The following ULK4 variants were observed in gnomAD, a reference collection of about 807,000 sequenced individuals.
ULK4 encodes unc-51 like kinase 4.
ULK4 carries 133 observed loss-of-function variants against 160.6 expected under a neutral mutation model. That is an observed-to-expected ratio of 0.83 (90% CI 0.72 to 0.96). The LOEUF is 0.96. Among genes scored for constraint, ULK4 ranks in the 40% least tolerant of loss-of-function variants. The pLI is 0.00. For missense variants in ULK4, 1,580 were observed against 1,499.5 expected (o/e 1.05, Z -0.89); for synonymous variants, 534 against 539.8 (o/e 0.99, Z 0.15).
In ULK4 at chr3:41,296,079, A is replaced by C. The variant is rs114195969; in HGVS notation, c.3679-46505T>G. Among the ~76,000 whole-genome samples the C allele has an allele frequency of 2.0e-3, 304 of 152,304 alleles. 1 individual carries two copies. The highest frequency in any genetic ancestry group is 6.9e-3 in the African/African-American group (286 of 41,564). ...GAATTATTACTCAGCGCTAAAAAGA[A>C]AGGAGCTATCAAGCCATGAAAAGTG... On this transcript the variant is annotated intron_variant, in intron 35 of 36. Coordinates refer to ENST00000301831, the MANE Select transcript of ULK4 (RefSeq NM_017886.4).
intron 32 of ULK4, among the ~76,000 whole-genome samples, chr3:41,464,912 CAAGG>C (rs1395089204): frequency 6.6e-6 from 1 of 152,156 alleles, no homozygotes; most frequent in Non-Finnish European, 1.5e-5. Context: ...ATTCAGTCTT[CAAGG>C]AAGGAGTGCA....
chr3:41,670,054 T>C (rs1315478131), intron 29 of ULK4, among the ~76,000 whole-genome samples: 1 of 152,188 alleles, frequency 6.6e-6, no homozygotes, highest in African/African-American at 2.4e-5. Context: ...GGTTAAAATG[T>C]TTCTAAGCAA....
intron 33 of ULK4, among the ~76,000 whole-genome samples, chr3:41,459,190 T>G (rs953691819): frequency 1.1e-4 from 17 of 152,134 alleles, no homozygotes; most frequent in African/African-American, 3.6e-4. Flanking sequence ...TAGCTAGGAC[T>G]ACAGGTGTGT....
At chr3:41,250,128 G>T (rs1359981564) in intron 35 of ULK4, among the ~76,000 whole-genome samples, 2 of 152,204 alleles carry the variant, frequency 1.3e-5, no homozygotes, top group Middle Eastern at 3.4e-3. Flanking sequence ...TGACTCTGTA[G>T]CACCTATTTG....
chr3:41,710,777 G>A (rs2037066749), intron 25 of ULK4, among the ~76,000 whole-genome samples: 9 of 147,124 alleles, frequency 6.1e-5, no homozygotes. Flanking sequence ...GGGAGACACA[G>A]GGAGACTCTT....
chr3:41,835,734 A>C (rs2041734013), intron 18 of ULK4, 130 bp downstream of exon 18: 2 of 576,744 alleles, frequency 3.5e-6, no homozygotes, highest in Non-Finnish European at 6.1e-6. Context: ...CAAGAGGTAA[A>C]ATTTATCCTA....
At chr3:41,464,994 C>A (rs1484156720) in intron 32 of ULK4, among the ~76,000 whole-genome samples, 1 of 152,182 alleles carries the variant, frequency 6.6e-6, no homozygotes, top group Non-Finnish European at 1.5e-5. Context: ...AAAAAACAGA[C>A]AACAGATGCC....
chr3:41,664,020 C>T (rs1415079069), intron 29 of ULK4, among the ~76,000 whole-genome samples: 1 of 152,176 alleles, frequency 6.6e-6, no homozygotes, highest in Non-Finnish European at 1.5e-5. Context: ...GAAAAACATA[C>T]AGACTCTGAA....
intron 32 of ULK4, among the ~76,000 whole-genome samples, chr3:41,490,463 C>G (rs536362558): frequency 6.6e-6 from 1 of 152,320 alleles, no homozygotes; most frequent in Admixed American, 6.5e-5. Context: ...CTCTTGCCTT[C>G]TTACATTACT....
At chr3:41,359,189 G>A (rs1274733473) in intron 35 of ULK4, among the ~76,000 whole-genome samples, 1 of 152,206 alleles carries the variant, frequency 6.6e-6, no homozygotes, top group Non-Finnish European at 1.5e-5. Flanking sequence ...ACAGGCCTGG[G>A]GAGGCCATGA....
At chr3:41,721,081 T>C (rs1168565543) in intron 22 of ULK4, among the ~76,000 whole-genome samples, 5 of 151,390 alleles carry the variant, frequency 3.3e-5, no homozygotes, top group Non-Finnish European at 7.4e-5. Context: ...TTTAAGAAAA[T>C]AAGCAAAGTT....
intron 31 of ULK4, among the ~76,000 whole-genome samples, chr3:41,588,627 C>T (rs1325716000): frequency 2.0e-5 from 3 of 152,120 alleles, no homozygotes; most frequent in African/African-American, 7.2e-5. Flanking sequence ...TGCACAGACC[C>T]ATTTTAATAA....
At position 41,455,504 on chromosome 3, in the gene ULK4, A is replaced by T. The variant is rs1322621918; in HGVS notation, c.3485T>A (p.Ile1162Asn). Residue 1162 changes from isoleucine to asparagine, a missense_variant, in exon 34 of 37, where the codon ATT (isoleucine) becomes AAT (asparagine). Transcript: ENST00000301831. ...ATACAGGTGAGCTCTTACCAGTGGA[A>T]TGAGCAGGCTAATCAGGTCTGTCAG... Reference protein sequence around the residue: ...RPLTDLISLLIPLLPNEDPEI... With the variant: ...RPLTDLISLLNPLLPNEDPEI... The T allele has an allele frequency of 9.9e-6, 16 of 1,613,836 alleles. No individual in the cohort carries two copies. Among genetic ancestry groups the T allele is most frequent in the Non-Finnish European group, 1.4e-5 (16 of 1,179,862 alleles).
intron 32 of ULK4, among the ~76,000 whole-genome samples, chr3:41,544,731 GTGACAA>G (rs1340940064): frequency 6.6e-6 from 1 of 152,212 alleles, no homozygotes; most frequent in Admixed American, 6.5e-5. Flanking sequence ...AGGTCAAACA[GTGACAA>G]TGACCTATGA....
intron 22 of ULK4, among the ~76,000 whole-genome samples, chr3:41,728,805 T>C (rs112833748): frequency 0.012 from 1,829 of 152,178 alleles, 36 homozygotes; most frequent in African/African-American, 0.04. Context: ...ATTTCTATTA[T>C]AAATAAAACA....
rs147480817 is a variant in ULK4, at chr3:41,318,937, T to C, written c.3679-69363A>G. ...TACTTCCAGTGTATGTTAATTTGGT[T>C]CTAAAAAGAACTACGGTATGGAAGA... On this transcript the variant is annotated intron_variant, in intron 35 of 36. Transcript: ENST00000301831. 5.4e-3 allele frequency among the ~76,000 whole-genome samples: 816 copies of C among 152,254 alleles called. 7 individuals carry two copies. Among genetic ancestry groups the C allele is most frequent in the African/African-American group, 0.018 (764 of 41,538 alleles).
At chr3:41,576,406 G>C (rs2088189323) in intron 31 of ULK4, among the ~76,000 whole-genome samples, 1 of 152,156 alleles carries the variant, frequency 6.6e-6, no homozygotes, top group Non-Finnish European at 1.5e-5. Flanking sequence ...GTGCCTTGAG[G>C]GCACGACTGA....
chr3:41,819,661 C>A (rs141835638), intron 18 of ULK4, among the ~76,000 whole-genome samples, 155 bp from the exon 19 acceptor site: 3 of 152,212 alleles, frequency 2.0e-5, no homozygotes, highest in East Asian at 3.9e-4. Context: ...ACGACTAGAT[C>A]AAGGATCTTT....
In ULK4 at chr3:41,757,629, CAAAAAAAAAAA is replaced by C. The variant is rs1197436719; in HGVS notation, c.2194-3152_2194-3142del. 1.7e-4 allele frequency among the ~76,000 whole-genome samples: 11 copies of C among 63,644 alleles called. No homozygotes were observed. In the South Asian group the frequency reaches 4.6e-3, roughly 27 times the overall value. The allele number at this position is 63,644 out of a possible 152,430, so 41.8% of individuals were successfully genotyped here. On this transcript the variant is annotated intron_variant, in intron 21 of 36. Transcript: ENST00000301831. ...CCTGCGCAACAGAGCGAGACTCTCTCAAAAAAAAAAAAAAAAAAAAAAAGTTAAGAGTCTCA... is the reference window on the plus strand; with the variant it reads ...CCTGCGCAACAGAGCGAGACTCTCTCAAAAAAAAAAAAGTTAAGAGTCTCA...
Sources: allele counts gnomAD v4.1 joint callset (sites outside exome capture counted in the v4.1 genomes callset), GRCh38; gene constraint gnomAD v4.1.1; transcripts MANE v1.5; gene names NCBI Gene and HGNC (gene_info 2026-07-23, HGNC 2026-07-21).